The following FBXL7 variants were observed in gnomAD, a reference collection of about 807,000 sequenced individuals.
FBXL7 encodes F-box and leucine rich repeat protein 7.
Under a neutral mutation model 38.3 loss-of-function variants are expected in FBXL7, and 12 were observed. The ratio of observed to expected loss-of-function variants is 0.31; its 90% CI spans 0.20 to 0.51. The LOEUF is 0.51. FBXL7 is among the 20% of genes least tolerant of loss of function. FBXL7 has a pLI of 0.98. For missense variants in FBXL7, 567 were observed against 676.4 expected, an observed-to-expected ratio of 0.84 and a Z score of 1.79; for synonymous variants, 297 against 300.9, an observed-to-expected ratio of 0.99 and a Z score of 0.13.
At chr5:15,614,355 C>T (rs1306862312) in intron 1 of FBXL7, among the ~76,000 whole-genome samples, 2 of 151,736 alleles carry the variant, frequency 1.3e-5, no homozygotes, top group Non-Finnish European at 2.9e-5. Context: ...CTGCAACCTC[C>T]GCCTCCTGGG....
intron 2 of FBXL7, among the ~76,000 whole-genome samples, chr5:15,854,710 AG>A (rs1283239481): frequency 6.6e-6 from 1 of 152,180 alleles, no homozygotes; most frequent in African/African-American, 2.4e-5. Context: ...AGCCTGAAAC[AG>A]GTCATTTTGG....
At chr5:15,668,368 T>TGTG (rs1742353969) in intron 2 of FBXL7, among the ~76,000 whole-genome samples, 1 of 145,650 alleles carries the variant, frequency 6.9e-6, no homozygotes, top group Non-Finnish European at 1.5e-5. Context: ...ATATTTGTGT[T>TGTG]TGTGTGTGTG....
rs3222099 is a variant in FBXL7 at position 15,818,703 on chromosome 5, C to CGTGTGTGTGTGT, written c.128-109157_128-109146dup. ...AGTTAATCTGAATGTCCCATTATTT[C>CGTGTGTGTGTGT]GTGTGTGTGTGTGTGTGTGTGTGTG... is the stretch of plus-strand genomic sequence containing the variant. On this transcript the variant is annotated intron_variant, in intron 2 of 3. Coordinates refer to ENST00000504595, the MANE Select transcript of FBXL7 (RefSeq NM_012304.5). Among the ~76,000 whole-genome samples, 127 of 116,836 alleles carry CGTGTGTGTGTGT rather than the reference C, an allele frequency of 1.1e-3. 1 individual carries two copies. The highest frequency in any genetic ancestry group is 2.5e-3 in the African/African-American group (81 of 32,266). The allele number at this position is 116,836 out of a possible 152,430, so 76.6% of individuals were successfully genotyped here. A position where few individuals can be genotyped will look rare whatever the true frequency, so the allele number is the denominator to read the frequency against.
Position 15,868,842 on chromosome 5 carries a change from G to A in FBXL7, c.128-59048G>A, listed in dbSNP as rs150447844. On this transcript the variant is annotated intron_variant, in intron 2 of 3. Coordinates refer to ENST00000504595, the MANE Select transcript of FBXL7 (RefSeq NM_012304.5). ...TCACCCCCAACCTCATCACATTCTA[G>A]TTCTCTTCCCTACTTCATTTTTTTC... 1.6e-4 allele frequency among the ~76,000 whole-genome samples: 25 copies of A among 152,194 alleles called. No homozygotes were observed. The South Asian group carries it at 5.2e-3, about 32-fold the overall frequency.
At chr5:15,801,634 AGTGTGTGTGTGTGTGTGT>A in intron 2 of FBXL7, among the ~76,000 whole-genome samples, 1 of 147,788 alleles carries the variant, frequency 6.8e-6, no homozygotes, top group Non-Finnish European at 1.5e-5. Flanking sequence ...AGGGGGAGTC[AGTGTGTGTGTGTGTGTGT>A]GTGTGCGCGC....
At position 15,686,650 on chromosome 5, in the gene FBXL7, TAGAA is replaced by T. The variant is rs150232084; in HGVS notation, c.127+70584_127+70587del. The stretch of plus-strand genomic sequence containing the variant: ...ATCCAAGACTTAAAACATACATAAT[TAGAA>T]AGAAACCTCAATTTATATAATTTTC... On this transcript the variant is annotated intron_variant, in intron 2 of 3. Coordinates refer to ENST00000504595, the MANE Select transcript of FBXL7 (RefSeq NM_012304.5). 2.5e-3 allele frequency among the ~76,000 whole-genome samples: 384 copies of T among 152,324 alleles called. 1 individual carries two copies. The highest frequency in any genetic ancestry group is 8.7e-3 in the African/African-American group (361 of 41,574).
chr5:15,540,716 G>A (rs1394479609), intron 1 of FBXL7, among the ~76,000 whole-genome samples: 1 of 152,122 alleles, frequency 6.6e-6, no homozygotes, highest in Admixed American at 6.6e-5. Context: ...AACCAGCGTG[G>A]TCAGGTTCTG....
Position 15,700,269 on chromosome 5 carries a change from A to T in FBXL7, c.127+84197A>T, listed in dbSNP as rs568964769. Among the ~76,000 whole-genome samples the T allele has an allele frequency of 4.6e-5, 7 of 152,324 alleles. No individual in the cohort carries two copies. The East Asian group carries it at 1.4e-3, about 29-fold the overall frequency. ...CTTCAAGAGGCCATGCATTTGATCA[A>T]AATGGCATGTTTTAAATCCTCCTTT... On this transcript the variant is annotated intron_variant, in intron 2 of 3. Transcript: ENST00000504595.
intron 2 of FBXL7, among the ~76,000 whole-genome samples, chr5:15,856,886 T>C (rs1739288631): frequency 6.6e-6 from 1 of 152,216 alleles, no homozygotes; most frequent in African/African-American, 2.4e-5. Flanking sequence ...AACCAGTTAC[T>C]AATAAATGCA....
intron 2 of FBXL7, among the ~76,000 whole-genome samples, chr5:15,830,267 TG>T (rs1423907145): frequency 2.6e-5 from 4 of 151,990 alleles, no homozygotes; most frequent in Admixed American, 2.0e-4. Context: ...GCAGATCACT[TG>T]AGGTCAGGAG....
chr5:15,751,578 C>T (rs1482597345), intron 2 of FBXL7, among the ~76,000 whole-genome samples: 1 of 152,164 alleles, frequency 6.6e-6, no homozygotes, highest in Non-Finnish European at 1.5e-5. Context: ...ATATTAGAGA[C>T]CATACAACTT....
intron 1 of FBXL7, among the ~76,000 whole-genome samples, chr5:15,550,303 A>G (rs139148829): frequency 2.2e-4 from 33 of 152,342 alleles, no homozygotes; most frequent in African/African-American, 7.7e-4. Flanking sequence ...TGGAATGAAA[A>G]TCATGTCACA....
intron 2 of FBXL7, among the ~76,000 whole-genome samples, chr5:15,676,548 A>C (rs1237424681): frequency 6.6e-6 from 1 of 152,208 alleles, no homozygotes. Context: ...CTTAGTGGCT[A>C]TCTCAGACAG....
intron 2 of FBXL7, among the ~76,000 whole-genome samples, chr5:15,861,431 G>A (rs1444162626): frequency 6.6e-6 from 1 of 152,192 alleles, no homozygotes; most frequent in Non-Finnish European, 1.5e-5. Flanking sequence ...AGGCATCTTT[G>A]CTATGGCACA....
intron 1 of FBXL7, among the ~76,000 whole-genome samples, chr5:15,503,280 G>C (rs1736550068): frequency 6.6e-6 from 1 of 152,132 alleles, no homozygotes; most frequent in Admixed American, 6.5e-5. Flanking sequence ...AAGTATCCAG[G>C]CGTGGTGGCG....
chr5:15,756,876 A>C (rs1189605394), intron 2 of FBXL7, among the ~76,000 whole-genome samples: 1 of 152,222 alleles, frequency 6.6e-6, no homozygotes, highest in Admixed American at 6.5e-5. Flanking sequence ...AGAAAGAAAA[A>C]GGCAAATTTT....
chr5:15,584,836 G>A (rs1386269657), intron 1 of FBXL7, among the ~76,000 whole-genome samples: 2 of 152,174 alleles, frequency 1.3e-5, no homozygotes, highest in Non-Finnish European at 1.5e-5. Context: ...TCACACTTCG[G>A]TATGGCTGTA....
chr5:15,506,385 G>T (rs1736651813), intron 1 of FBXL7, among the ~76,000 whole-genome samples: 1 of 152,008 alleles, frequency 6.6e-6, no homozygotes, highest in African/African-American at 2.4e-5. Flanking sequence ...TACTTGGAAA[G>T]AACTCAAAAT....
At chr5:15,652,292 A>T (rs1048104185) in intron 2 of FBXL7, among the ~76,000 whole-genome samples, 15 of 152,098 alleles carry the variant, frequency 9.9e-5, no homozygotes, top group African/African-American at 3.6e-4. Flanking sequence ...TTGGAGACAG[A>T]GTCTTGCTCT....
Sources: allele counts gnomAD v4.1 joint callset (sites outside exome capture counted in the v4.1 genomes callset), GRCh38; gene constraint gnomAD v4.1.1; transcripts MANE v1.5; gene names NCBI Gene and HGNC (gene_info 2026-07-23, HGNC 2026-07-21).